Variants in IPCEF1 observed in about 807,000 individuals in gnomAD.
IPCEF1 encodes interaction protein for cytohesin exchange factors 1, also known as interactor protein for cytohesin exchange factors 1.
Under a neutral mutation model 50.9 loss-of-function variants are expected in IPCEF1, and 31 were observed. That is an observed-to-expected ratio of 0.61 (90% CI 0.46 to 0.82). The LOEUF (loss-of-function observed/expected upper bound fraction) is 0.82, where lower values mean the gene tolerates loss of function less well. Among genes scored for constraint, IPCEF1 ranks in the 40% least tolerant of loss-of-function variants. IPCEF1 has a pLI of 0.00. For missense variants in IPCEF1, 458 were observed against 514.0 expected (o/e 0.89, Z 1.05); for synonymous variants, 181 against 192.0 (o/e 0.94, Z 0.47).
intron 11 of IPCEF1, among the ~76,000 whole-genome samples, chr6:154,163,281 G>T (rs1238242601): frequency 6.6e-6 from 1 of 152,102 alleles, no homozygotes; most frequent in African/African-American, 2.4e-5. Context: ...TTCCTTAAAT[G>T]CCCTAGGCAC....
intron 3 of IPCEF1, among the ~76,000 whole-genome samples, chr6:154,251,084 A>G (rs2128646138): frequency 6.6e-6 from 1 of 152,338 alleles, no homozygotes; most frequent in East Asian, 1.9e-4. Flanking sequence ...GAGATTCTAA[A>G]GCATCCAATT....
intron 2 of IPCEF1, among the ~76,000 whole-genome samples, chr6:154,284,635 C>A (rs143541244): frequency 6.6e-6 from 1 of 152,080 alleles, no homozygotes; most frequent in African/African-American, 2.4e-5. Flanking sequence ...AGCCTGAATC[C>A]CTGAGTGACT....
intron 5 of IPCEF1, among the ~76,000 whole-genome samples, chr6:154,225,577 C>T (rs1280750328): frequency 6.6e-6 from 1 of 152,134 alleles, no homozygotes; most frequent in Non-Finnish European, 1.5e-5. Context: ...TTGGTAGCTA[C>T]CAGGGTCCCA....
chr6:154,211,583 A>G (rs976472801), intron 9 of IPCEF1, among the ~76,000 whole-genome samples: 71 of 152,338 alleles, frequency 4.7e-4, no homozygotes, highest in Non-Finnish European at 6.0e-4. Context: ...GACCTAGAAT[A>G]GGAAACAATT....
intron 10 of IPCEF1, among the ~76,000 whole-genome samples, chr6:154,193,651 GA>G (rs1266119202): frequency 2.0e-5 from 3 of 152,138 alleles, no homozygotes; most frequent in Non-Finnish European, 4.4e-5. Context: ...AGAAAGAGAA[GA>G]AAAATTGAAG....
At position 154,214,254 on chromosome 6, in the gene IPCEF1, C is replaced by A; in HGVS notation, c.415G>T (p.Ala139Ser). Residue 139 changes from alanine to serine, a missense_variant, in exon 8 of 12, where the codon GCT becomes TCT. Transcript: ENST00000367220. ...MNVWLNKLGS[A>S]VIHQESTTKD... ...GTAGTGGATTCCTGATGGATTACAGCCGATCCAAGTTTATTTAACCACCTA... is the reference window on the plus strand; with the variant it reads ...GTAGTGGATTCCTGATGGATTACAGACGATCCAAGTTTATTTAACCACCTA... The A allele has an allele frequency of 1.2e-6, 2 of 1,610,998 alleles. No individual in the cohort carries two copies. The highest frequency in any genetic ancestry group is 1.7e-4 in the Middle Eastern group (1 of 6,058).
chr6:154,192,199 A>G (rs912138742), intron 10 of IPCEF1, among the ~76,000 whole-genome samples: 4 of 152,100 alleles, frequency 2.6e-5, no homozygotes, highest in African/African-American at 9.7e-5. Flanking sequence ...TGCTTTCTAA[A>G]TTGGTTCCAC....
intron 9 of IPCEF1, among the ~76,000 whole-genome samples, chr6:154,211,656 T>G (rs543311039): frequency 6.6e-6 from 1 of 152,238 alleles, no homozygotes; most frequent in South Asian, 2.1e-4. Context: ...ATCTGACATA[T>G]TAAAATCAAG....
intron 2 of IPCEF1, among the ~76,000 whole-genome samples, chr6:154,273,282 G>A (rs1279186394): frequency 2.0e-5 from 3 of 152,194 alleles, no homozygotes; most frequent in African/African-American, 4.8e-5. Flanking sequence ...AGAAGTCAGA[G>A]CTAAGAGGAA....
At position 154,260,559 on chromosome 6, in the gene IPCEF1, A is replaced by C. The variant is rs551214586; in HGVS notation, c.36+5353T>G. On this transcript the variant is annotated intron_variant, in intron 3 of 11. Coordinates refer to ENST00000367220, the MANE Select transcript of IPCEF1 (RefSeq NM_001130700.2). ...GCCATCTCAGCTCACTGCAACCTCC[A>C]CCTCCTGAGTTCAAGTGATTCTCCT... Among the ~76,000 whole-genome samples the C allele has an allele frequency of 5.3e-5, 8 of 149,678 alleles. No individual in the cohort carries two copies. The South Asian group carries it at 8.5e-4, about 16-fold the overall frequency.
chr6:154,154,569 G>A lies in IPCEF1; in HGVS notation c.*5259C>T, dbSNP rs948399867. ...AGCGATTTTGATGACTGCCACCAGA[G>A]GGCACTGTAACCTTGTTGTAGACGA... On this transcript the variant is annotated 3_prime_UTR_variant, in exon 12 of 12. Coordinates refer to ENST00000367220, the MANE Select transcript of IPCEF1 (RefSeq NM_001130700.2). 4 of 152,070 alleles carry A rather than the reference G, an allele frequency of 2.6e-5. No homozygotes were observed. Among genetic ancestry groups the A allele is most frequent in the African/African-American group, 9.7e-5 (4 of 41,406 alleles). 9.4% of individuals were successfully genotyped at this position (152,070 alleles called of 1,614,324 possible).
At chr6:154,209,228 T>C (rs1184765527) in intron 9 of IPCEF1, among the ~76,000 whole-genome samples, 1 of 152,236 alleles carries the variant, frequency 6.6e-6, no homozygotes, top group Non-Finnish European at 1.5e-5. Context: ...AAAATGGAAG[T>C]ACATCACCCA....
At chr6:154,345,378 G>A (rs1454219705) in intron 1 of IPCEF1, among the ~76,000 whole-genome samples, 2 of 152,142 alleles carry the variant, frequency 1.3e-5, no homozygotes, top group African/African-American at 4.8e-5. Flanking sequence ...CTTTCTTACA[G>A]TCAGAAAACT....
At chr6:154,266,706 A>T (rs1239659769) in intron 2 of IPCEF1, among the ~76,000 whole-genome samples, 1 of 151,624 alleles carries the variant, frequency 6.6e-6, no homozygotes, top group Non-Finnish European at 1.5e-5. Flanking sequence ...AACATAGCTA[A>T]CTCCCCTGCC....
intron 7 of IPCEF1, among the ~76,000 whole-genome samples, chr6:154,215,960 T>C (rs1778360549): frequency 1.3e-5 from 2 of 152,146 alleles, no homozygotes; most frequent in African/African-American, 4.8e-5. Context: ...AACTTAAAAA[T>C]ATTATTGATT....
chr6:154,304,394 CTT>C (rs1782878603), intron 1 of IPCEF1, among the ~76,000 whole-genome samples: 1 of 152,150 alleles, frequency 6.6e-6, no homozygotes, highest in South Asian at 2.1e-4. Context: ...AAATCACTCT[CTT>C]TTTCAATTTT....
intron 9 of IPCEF1, among the ~76,000 whole-genome samples, chr6:154,210,372 A>G (rs1467705559): frequency 6.6e-6 from 1 of 152,212 alleles, no homozygotes; most frequent in East Asian, 1.9e-4. Context: ...AGGGAGAACA[A>G]CTAAACATTT....
At chr6:154,311,380 C>G (rs1016685331) in intron 1 of IPCEF1, among the ~76,000 whole-genome samples, 1 of 152,060 alleles carries the variant, frequency 6.6e-6, no homozygotes, top group African/African-American at 2.4e-5. Context: ...ATCAGTGTTC[C>G]TTAGGATCTT....
At chr6:154,257,382 C>G (rs112585540) in intron 3 of IPCEF1, among the ~76,000 whole-genome samples, 2 of 152,180 alleles carry the variant, frequency 1.3e-5, no homozygotes, top group African/African-American at 4.8e-5. Context: ...CTTCCTGCTT[C>G]CAGACCAGGT....
Sources: allele counts gnomAD v4.1 joint callset (sites outside exome capture counted in the v4.1 genomes callset), GRCh38; gene constraint gnomAD v4.1.1; transcripts MANE v1.5; gene names NCBI Gene and HGNC (gene_info 2026-07-23, HGNC 2026-07-21).